PLCB1: variants seen among roughly 807,000 people sequenced by gnomAD.
The protein encoded by PLCB1 is phospholipase C beta 1.
Under a neutral mutation model 161.8 loss-of-function variants are expected in PLCB1, and 46 were observed. The observed-to-expected ratio is 0.28, with a 90% confidence interval of 0.22 to 0.36. The LOEUF (loss-of-function observed/expected upper bound fraction) is 0.36, where lower values mean the gene tolerates loss of function less well. Ranked by LOEUF, PLCB1 falls within the 10% of genes least tolerant of loss-of-function variation. The probability of loss-of-function intolerance (pLI) is 1.00; values close to 1 mark genes in which losing one functional copy is unlikely to be tolerated. For missense variants in PLCB1, 1,016 were observed against 1,472.5 expected, an observed-to-expected ratio of 0.69 and a Z score of 5.07; for synonymous variants, 517 against 503.7, an observed-to-expected ratio of 1.03 and a Z score of -0.35.
At chr20:8,371,703 C>T (rs1420096850) in intron 3 of PLCB1, 3 of 377,584 alleles carry the variant, frequency 7.9e-6, no homozygotes, top group African/African-American at 4.2e-5. Context: ...ACAACGACAA[C>T]AATGCCCAAG....
intron 9 of PLCB1, among the ~76,000 whole-genome samples, chr20:8,662,235 T>C (rs867214644): frequency 3.1e-3 from 356 of 115,226 alleles, no homozygotes; most frequent in African/African-American, 0.011. Flanking sequence ...TAATTCTATA[T>C]ATAATTATTT....
At chr20:8,397,747 T>C (rs1244023776) in intron 3 of PLCB1, among the ~76,000 whole-genome samples, 1 of 152,174 alleles carries the variant, frequency 6.6e-6, no homozygotes, top group Admixed American at 6.5e-5. Flanking sequence ...TTGCCTGTTT[T>C]ACTTAATATA....
At position 8,331,799 on chromosome 20, in the gene PLCB1, T is replaced by C. The variant is rs1199119843; in HGVS notation, c.178-39583T>C. 3.3e-5 allele frequency among the ~76,000 whole-genome samples: 5 copies of C among 152,350 alleles called. No homozygotes were observed. In the South Asian group the frequency reaches 1.0e-3, roughly 32 times the overall value. On this transcript the variant is annotated intron_variant, in intron 2 of 31. Transcript: ENST00000338037. Reference sequence around the variant, plus strand: ...AGGTATATGGAAGAACTTGACACCTTACTAACAGGTATTCTGTGGATTTTT... The same window carrying C: ...AGGTATATGGAAGAACTTGACACCTCACTAACAGGTATTCTGTGGATTTTT...
intron 2 of PLCB1, among the ~76,000 whole-genome samples, chr20:8,252,030 A>G (rs936190235): frequency 2.0e-5 from 3 of 152,000 alleles, no homozygotes; most frequent in African/African-American, 7.2e-5. Flanking sequence ...TGGCTCAAGC[A>G]GATCTTCACA....
chr20:8,727,827 T>C (rs1980021066), intron 17 of PLCB1, among the ~76,000 whole-genome samples: 1 of 152,100 alleles, frequency 6.6e-6, no homozygotes, highest in South Asian at 2.1e-4. Context: ...TTATATGTAC[T>C]ATATGTCCAA....
chr20:8,725,339 T>A (rs972373072), intron 16 of PLCB1, among the ~76,000 whole-genome samples: 2 of 152,130 alleles, frequency 1.3e-5, no homozygotes, highest in African/African-American at 2.4e-5. Context: ...GACAAAAGGG[T>A]TCTTTTATGA....
At chr20:8,501,284 A>G (rs1158931748) in intron 3 of PLCB1, among the ~76,000 whole-genome samples, 1 of 152,164 alleles carries the variant, frequency 6.6e-6, no homozygotes, top group Non-Finnish European at 1.5e-5. Context: ...AACTCCCTCC[A>G]TCCTCGCTGT....
chr20:8,464,691 G>A (rs1278925290), intron 3 of PLCB1, among the ~76,000 whole-genome samples: 4 of 152,154 alleles, frequency 2.6e-5, no homozygotes, highest in Middle Eastern at 3.4e-3. Context: ...AAAGTTCACC[G>A]CCATAGCCAT....
chr20:8,757,688 T>A (rs1439353483), intron 24 of PLCB1, among the ~76,000 whole-genome samples: 1 of 152,084 alleles, frequency 6.6e-6, no homozygotes. Flanking sequence ...ATTGTCCCCA[T>A]TGTGCAGATG....
chr20:8,650,727 A>G (rs1313900982), intron 7 of PLCB1, among the ~76,000 whole-genome samples: 1 of 152,248 alleles, frequency 6.6e-6, no homozygotes, highest in East Asian at 1.9e-4. Context: ...ATCTCACCTT[A>G]GCATTTTAAA....
intron 14 of PLCB1, among the ~76,000 whole-genome samples, chr20:8,719,019 T>C (rs1352070609): frequency 6.6e-6 from 1 of 152,152 alleles, no homozygotes; most frequent in Admixed American, 6.5e-5. Context: ...GTGAAATAGA[T>C]TGCTGTGGTT....
At chr20:8,562,222 A>G (rs1199300574) in intron 3 of PLCB1, among the ~76,000 whole-genome samples, 1 of 152,036 alleles carries the variant, frequency 6.6e-6, no homozygotes, top group Non-Finnish European at 1.5e-5. Context: ...TTGGCTGTAC[A>G]TTGAAATCAC....
intron 3 of PLCB1, among the ~76,000 whole-genome samples, chr20:8,566,705 T>C (rs1986346545): frequency 6.6e-6 from 1 of 152,154 alleles, no homozygotes; most frequent in Non-Finnish European, 1.5e-5. Flanking sequence ...CTGGCTATGA[T>C]ATATGGCTAC....
chr20:8,539,144 T>C (rs1411787651), intron 3 of PLCB1, among the ~76,000 whole-genome samples: 27 of 152,192 alleles, frequency 1.8e-4, no homozygotes, highest in Admixed American at 1.8e-3. Context: ...ATTTTCATCG[T>C]GCCCTTAATT....
intron 2 of PLCB1, among the ~76,000 whole-genome samples, chr20:8,189,813 A>G (rs913168980): frequency 6.6e-6 from 1 of 152,088 alleles, no homozygotes; most frequent in Non-Finnish European, 1.5e-5. Flanking sequence ...ACAACTTTCC[A>G]TGTATGATAT....
intron 3 of PLCB1, among the ~76,000 whole-genome samples, chr20:8,627,268 T>C (rs988777816): frequency 6.6e-6 from 1 of 152,236 alleles, no homozygotes; most frequent in African/African-American, 2.4e-5. Context: ...GTTTTCTTTC[T>C]TGGTTGTGTG....
At chr20:8,422,697 T>G (rs916575902) in intron 3 of PLCB1, among the ~76,000 whole-genome samples, 1 of 152,198 alleles carries the variant, frequency 6.6e-6, no homozygotes, top group Non-Finnish European at 1.5e-5. Flanking sequence ...GCCCTTCACC[T>G]GGTATATGGA....
At chr20:8,416,868 C>G (rs1002592703) in intron 3 of PLCB1, among the ~76,000 whole-genome samples, 1 of 150,682 alleles carries the variant, frequency 6.6e-6, no homozygotes, top group Non-Finnish European at 1.5e-5. Context: ...GTGAATGCTA[C>G]GCATAGTGCT....
chr20:8,535,958 A>G (rs1275806090), intron 3 of PLCB1, among the ~76,000 whole-genome samples: 2 of 151,756 alleles, frequency 1.3e-5, no homozygotes, highest in Non-Finnish European at 1.5e-5. Context: ...AAATTTTTAA[A>G]CTAAGATTAT....
Sources: allele counts gnomAD v4.1 joint callset (sites outside exome capture counted in the v4.1 genomes callset), GRCh38; gene constraint gnomAD v4.1.1; transcripts MANE v1.5; gene names NCBI Gene and HGNC (gene_info 2026-07-23, HGNC 2026-07-21).